The following LILRA4 variants were observed in gnomAD, a reference collection of about 807,000 sequenced individuals.
LILRA4 encodes leukocyte immunoglobulin-like receptor subfamily A member 4.
In LILRA4, 51 loss-of-function variants were observed where a neutral mutation model predicts 49.5. The observed-to-expected ratio is 1.03, with a 90% CI of 0.82 to 1.30. LILRA4 has a LOEUF of 1.30. Ranked by LOEUF, LILRA4 falls within the 50% of genes most tolerant of loss-of-function variation. LILRA4 has a pLI of 0.00. For missense variants in LILRA4, 624 were observed against 625.6 expected (o/e 1.00, Z 0.03); for synonymous variants, 272 against 265.6 (o/e 1.02, Z -0.23).
Position 54,337,427 on chromosome 19 carries a change from T to C in LILRA4, c.925A>G (p.Ser309Gly). ...HNVSSEWSAPSDPLDILIAGQ... is the reference protein window; with the variant it reads ...HNVSSEWSAPGDPLDILIAGQ... ...GCGATCAGGATATCCAGGGGGTCAC[T>C]GGGGGCCGACCACTCGGAGGAGACG... Residue 309 changes from serine to glycine, a missense_variant, in exon 5 of 8, where the codon AGT (serine) becomes GGT (glycine). Ser to Gly is a moderately conservative substitution (Grantham distance 56, BLOSUM62 0). Coordinates refer to ENST00000291759, the MANE Select transcript of LILRA4 (RefSeq NM_012276.5). 6.2e-7 allele frequency: 1 copy of C among 1,611,648 alleles called. No homozygotes were observed. The highest frequency in any genetic ancestry group is 8.5e-7 in the Non-Finnish European group (1 of 1,179,810).
chr19:54,336,534 T>TGTCG, intron 6 of LILRA4: 1 of 491,926 alleles, frequency 2.0e-6, no homozygotes, highest in Non-Finnish European at 3.6e-6. Context: ...AGTCCTCATC[T>TGTCG]ATTTCCACAC....
At chr19:54,337,812 G>C in intron 4 of LILRA4, 116 bp from the exon 5 acceptor site, 1 of 1,445,242 alleles carries the variant, frequency 6.9e-7, no homozygotes, top group South Asian at 1.4e-5. Flanking sequence ...TTCTGTATTT[G>C]TGTCCCCAGG....
At position 54,337,040 on chromosome 19, in the gene LILRA4, A is replaced by G. The variant is rs1276288412; in HGVS notation, c.1056T>C (p.Thr352=). The G allele has an allele frequency of 6.2e-7, 1 of 1,613,964 alleles. No individual in the cohort carries two copies. The highest frequency in any genetic ancestry group is 1.1e-5 in the South Asian group (1 of 91,080). ...LLCQSWDPMF[T]FLLTKEGAAH... ...CTGCCCCCTCCTTGGTCAGAAGGAA[A>G]GTGAACATCGGGTCCCATGACTGAC... is the stretch of plus-strand genomic sequence containing the variant. Residue 352 remains threonine (T), a synonymous_variant, in exon 6 of 8, where the codon ACT becomes ACC. Transcript: ENST00000291759.
At chr19:54,334,410 G>A (rs1317616635) in intron 6 of LILRA4, 1 of 166,832 alleles carries the variant, frequency 6.0e-6, no homozygotes, top group African/African-American at 2.4e-5. Context: ...CACAAGCAAG[G>A]GCTGGAGGCT....
Position 54,333,427 on chromosome 19 carries a change from G to T in LILRA4, c.*145C>A. ...AGTCAAGGAGAGTCGACAATGAGGA[G>T]GAAAGCACCACAGTTTAATGGAGGA... On this transcript the variant is annotated 3_prime_UTR_variant, in exon 8 of 8. Transcript: ENST00000291759. 1.3e-6 allele frequency: 1 copy of T among 765,638 alleles called. No individual in the cohort carries two copies. Among genetic ancestry groups the T allele is most frequent in the Non-Finnish European group, 2.1e-6 (1 of 473,608 alleles). 47.4% of individuals were successfully genotyped at this position (765,638 alleles called of 1,614,324 possible).
intron 3 of LILRA4, 33 bp downstream of exon 3, chr19:54,338,363 G>A (rs377635046): frequency 3.2e-5 from 51 of 1,612,540 alleles, no homozygotes; most frequent in Non-Finnish European, 4.2e-5. Flanking sequence ...CGAGGGCAGA[G>A]CCTGGGGCTG....
rs773279262 is a variant in LILRA4 at position 54,337,143 on chromosome 19, C to T, written c.953G>A (p.Gly318Glu). The change falls in exon 6 of 8, where the codon GGA becomes GAA. Residue 318 changes from glycine to glutamate, a missense_variant and splice_region_variant. Physicochemically the swap from Gly to Glu is moderately conservative, Grantham distance 98. Coordinates refer to ENST00000291759, the MANE Select transcript of LILRA4 (RefSeq NM_012276.5). Reference protein sequence around the residue: ...PSDPLDILIAGQISDRPSLSV... With the variant: ...PSDPLDILIAEQISDRPSLSV... ...GAGGGAGGGTCTGTCAGAGATCTGT[C>T]CTGGAGAAAAGAAGGACGGGTGAGG... 15 of 1,609,784 alleles carry T rather than the reference C, an allele frequency of 9.3e-6. No homozygotes were observed. In the Admixed American group the frequency reaches 1.7e-4, roughly 18 times the overall value.
rs771141121 is a variant in LILRA4, at chr19:54,333,941, G to A, written c.1280C>T (p.Ala427Val). 1.2e-6 allele frequency: 2 copies of A among 1,614,034 alleles called. No homozygotes were observed. The highest frequency in any genetic ancestry group is 1.7e-6 in the Non-Finnish European group (2 of 1,179,906). Reference sequence around the variant, plus strand: ...AGTCTTGGAATCTGACTTCTTTTGTGCTGGATTGAGGGTCTCAGTTGCTCC... The same window carrying A: ...AGTCTTGGAATCTGACTTCTTTTGTACTGGATTGAGGGTCTCAGTTGCTCC... The part of the protein sequence containing the change: ...VSGATETLNP[A>V]QKKSDSKTAP... Residue 427 changes from alanine (A) to valine (V), a missense_variant, in exon 7 of 8, where the codon GCA becomes GTA. Ala to Val is a moderately conservative substitution (Grantham distance 64). Transcript: ENST00000291759.
At chr19:54,337,886 G>T in intron 4 of LILRA4, 50 bp downstream of exon 4, 2 of 1,559,888 alleles carry the variant, frequency 1.3e-6, no homozygotes, top group Non-Finnish European at 1.7e-6. Flanking sequence ...GCTCCCAACA[G>T]CTCACCTGGT....
At chr19:54,336,771 C>A in intron 6 of LILRA4, 70 bp downstream of exon 6, 1 of 1,559,052 alleles carries the variant, frequency 6.4e-7, no homozygotes, top group Non-Finnish European at 8.7e-7. Flanking sequence ...CGGACACTCT[C>A]TTGGAAGCTC....
chr19:54,338,360 A>T, intron 3 of LILRA4, 36 bp downstream of exon 3: 1 of 1,611,892 alleles, frequency 6.2e-7, no homozygotes. Flanking sequence ...TCCCGAGGGC[A>T]GAGCCTGGGG....
Position 54,333,664 on chromosome 19 carries a change from T to A in LILRA4, c.1408A>T (p.Ser470Cys), listed in dbSNP as rs2081294354. Residue 470 changes from serine to cysteine, a missense_variant, in exon 8 of 8, where the codon AGC (serine) becomes TGC (cysteine). Coordinates refer to ENST00000291759, the MANE Select transcript of LILRA4 (RefSeq NM_012276.5). Reference protein sequence around the residue: ...LGILLFEAQHSQRSPPRCSQE... With the variant: ...LGILLFEAQHCQRSPPRCSQE... ...CTGCACCTTGGGGGGCTTCTCTGGC[T>A]GTGCTGAGCCTCAAATAACAGAATC... The A allele has an allele frequency of 6.2e-7, 1 of 1,614,042 alleles. No homozygotes were observed.
chr19:54,339,088 G>A lies in LILRA4; in HGVS notation c.6C>T (p.Thr2=), dbSNP rs367656176. 86 of 1,614,060 alleles carry A rather than the reference G, an allele frequency of 5.3e-5. No individual in the cohort carries two copies. Among genetic ancestry groups the A allele is most frequent in the African/African-American group, 6.7e-5 (5 of 74,908 alleles). ...AGAAGAGCAGGCTTGTGAGAATGAG[G>A]GTCATGGCATCTCCTCCTCCTGGCC... The part of the protein sequence containing the change: M[T]LILTSLLFFG... Residue 2 remains threonine (T), a synonymous_variant, in exon 1 of 8, where the codon ACC becomes ACT. Coordinates refer to ENST00000291759, the MANE Select transcript of LILRA4 (RefSeq NM_012276.5).
chr19:54,337,785 T>C (rs926828426), intron 4 of LILRA4, 89 bp from the exon 5 acceptor site: 5 of 1,481,554 alleles, frequency 3.4e-6, no homozygotes, highest in Non-Finnish European at 4.5e-6. Flanking sequence ...GTTTCCAGCG[T>C]CCTTGTTTTT....
In LILRA4 at chr19:54,338,562, C is replaced by G; in HGVS notation, c.189G>C (p.Glu63Asp). Residue 63 changes from glutamate to aspartate, a missense_variant, in exon 3 of 8, where the codon GAG (glutamate) becomes GAC (aspartate). Transcript: ENST00000291759. The stretch of plus-strand genomic sequence containing the variant: ...ATATGTGCCTCGACATTGAGTTTCC[C>G]TCTTTATCCAGACGGTACCCCTGGG... ...LEAQGYRLDK[E>D]GNSMSRHILK... 5.6e-6 allele frequency: 9 copies of G among 1,614,186 alleles called. No individual in the cohort carries two copies. The highest frequency in any genetic ancestry group is 6.8e-6 in the Non-Finnish European group (8 of 1,180,014).
intron 6 of LILRA4, chr19:54,335,381 G>C (rs2122180687): frequency 6.5e-6 from 1 of 153,180 alleles, no homozygotes; most frequent in Middle Eastern, 3.4e-3. Context: ...TCCGCCTTCT[G>C]CCATGATTGT....
chr19:54,336,987 A>C lies in LILRA4; in HGVS notation c.1109T>G (p.Met370Arg), dbSNP rs1018525884. The C allele has an allele frequency of 3.2e-6, 5 of 1,541,226 alleles. No individual in the cohort carries two copies. The highest frequency in any genetic ancestry group is 1.7e-4 in the Middle Eastern group (1 of 5,786). The change falls in exon 6 of 8, where the codon ATG (methionine) becomes AGG (arginine). Residue 370 changes from methionine (M) to arginine (R), a missense_variant. By Grantham distance (91) the Met-to-Arg change is moderately conservative. Coordinates refer to ENST00000291759, the MANE Select transcript of LILRA4 (RefSeq NM_012276.5). ...AGCCTGGTACTTATGAGCTCCGTAC[A>C]TTGATCTCAGACGCAACGGGGGATG... The part of the protein sequence containing the change: ...AAHPPLRLRS[M>R]YGAHKYQAEF...
chr19:54,336,486 C>T (rs1601225610), intron 6 of LILRA4: 1 of 386,000 alleles, frequency 2.6e-6, no homozygotes, highest in East Asian at 4.9e-5. Flanking sequence ...CCACTCTTTA[C>T]CCTACTGAGA....
rs767221445 is a variant in LILRA4 at position 54,339,099 on chromosome 19, C to G, written c.-6G>C. 5.0e-6 allele frequency: 8 copies of G among 1,614,166 alleles called. No individual in the cohort carries two copies. The highest frequency in any genetic ancestry group is 1.7e-5 in the Admixed American group (1 of 60,028). On this transcript the variant is annotated 5_prime_UTR_variant, in exon 1 of 8. Transcript: ENST00000291759. ...CTTGTGAGAATGAGGGTCATGGCAT[C>G]TCCTCCTCCTGGCCCTGGCTGTGCA...
Sources: gnomAD v4.1 joint callset for allele counts on GRCh38, gnomAD v4.1.1 for gene constraint, MANE v1.5 for transcripts, NCBI Gene and HGNC (gene_info 2026-07-23, HGNC 2026-07-21) for gene names.